ADAMTSL1: variants seen among roughly 807,000 people sequenced by gnomAD.
The protein encoded by ADAMTSL1 is ADAMTS like 1.
In ADAMTSL1, 126 loss-of-function variants were observed where a neutral mutation model predicts 201.8. That is an observed-to-expected ratio of 0.62 (90% confidence interval 0.54 to 0.72). The LOEUF is 0.72. ADAMTSL1 is among the 30% of genes least tolerant of loss of function. ADAMTSL1 has a pLI of 0.00. For synonymous variants in ADAMTSL1, 1,121 were observed against 903.4 expected (o/e 1.24, Z -4.32); for missense variants, 2,679 against 2,277.8 (o/e 1.18, Z -3.59).
At chr9:18,793,629 G>A (rs1822187495) in intron 19 of ADAMTSL1, among the ~76,000 whole-genome samples, 1 of 152,152 alleles carries the variant, frequency 6.6e-6, no homozygotes, top group Non-Finnish European at 1.5e-5. Flanking sequence ...TGAAGCTTTT[G>A]AAACTAGGGA....
chr9:18,029,801 C>G (rs981206693), intron 1 of ADAMTSL1, among the ~76,000 whole-genome samples: 3 of 152,196 alleles, frequency 2.0e-5, no homozygotes, highest in African/African-American at 7.2e-5. Context: ...AAAAAACGCT[C>G]TTCATCACTG....
At chr9:18,546,729 T>C (rs950190231) in intron 3 of ADAMTSL1, among the ~76,000 whole-genome samples, 3 of 152,174 alleles carry the variant, frequency 2.0e-5, no homozygotes, top group Admixed American at 1.3e-4. Context: ...TATAGAACAG[T>C]ATTTTGAAAA....
intron 2 of ADAMTSL1, among the ~76,000 whole-genome samples, chr9:18,310,090 G>T (rs1834061837): frequency 6.6e-6 from 1 of 151,976 alleles, no homozygotes; most frequent in South Asian, 2.1e-4. Flanking sequence ...ATGGGGAAAG[G>T]AGTCCCTATT....
intron 3 of ADAMTSL1, among the ~76,000 whole-genome samples, chr9:18,572,686 T>G (rs1822411775): frequency 6.6e-6 from 1 of 152,174 alleles, no homozygotes; most frequent in African/African-American, 2.4e-5. Context: ...TATATGCTCT[T>G]TAGTAGTATC....
chr9:18,189,160 C>T (rs1360123851), intron 2 of ADAMTSL1, among the ~76,000 whole-genome samples: 1 of 152,124 alleles, frequency 6.6e-6, no homozygotes, highest in Non-Finnish European at 1.5e-5. Context: ...TTCCACTCCA[C>T]AGTTGCCAGG....
intron 20 of ADAMTSL1, among the ~76,000 whole-genome samples, chr9:18,800,474 T>G (rs1038477975): frequency 6.8e-6 from 1 of 146,510 alleles, no homozygotes; most frequent in Non-Finnish European, 1.5e-5. Flanking sequence ...TAAGCTGCCA[T>G]CAAGGAGATT....
intron 1 of ADAMTSL1, among the ~76,000 whole-genome samples, chr9:18,068,661 C>T (rs1822818062): frequency 6.6e-6 from 1 of 152,058 alleles, no homozygotes; most frequent in Non-Finnish European, 1.5e-5. Flanking sequence ...CTATGTGTCC[C>T]CCTGGATGCT....
chr9:18,475,020 T>C (rs575690075), intron 1 of ADAMTSL1, among the ~76,000 whole-genome samples: 3 of 152,206 alleles, frequency 2.0e-5, no homozygotes, highest in Admixed American at 6.5e-5. Flanking sequence ...TTGTGACTCA[T>C]ACTTGGTTTT....
Position 18,505,521 on chromosome 9 carries a change from G to A in ADAMTSL1, c.191+565G>A, listed in dbSNP as rs186866267. On this transcript the variant is annotated intron_variant, in intron 2 of 28. Coordinates refer to ENST00000380548, the MANE Select transcript of ADAMTSL1 (RefSeq NM_001040272.6). Reference sequence around the variant, plus strand: ...GGTCAGGAATAGTGAAAGGGATGAAGAAGGTAGACATGGGGGTGGCTAATG... The same window carrying A: ...GGTCAGGAATAGTGAAAGGGATGAAAAAGGTAGACATGGGGGTGGCTAATG... 2.6e-5 allele frequency among the ~76,000 whole-genome samples: 4 copies of A among 152,324 alleles called. No homozygotes were observed. In the East Asian group the frequency reaches 7.7e-4, roughly 29 times the overall value.
At chr9:17,919,744 C>T (rs1317502175) in intron 1 of ADAMTSL1, among the ~76,000 whole-genome samples, 1 of 151,770 alleles carries the variant, frequency 6.6e-6, no homozygotes. Flanking sequence ...TGGATTTTTC[C>T]CACTTTTTAG....
intron 3 of ADAMTSL1, 47 bp from the exon 4 acceptor site, chr9:18,573,983 G>C (rs566217072): frequency 6.7e-7 from 1 of 1,500,768 alleles, no homozygotes. Context: ...TCATGTTTGG[G>C]GGTATCCTCC....
chr9:17,912,813 G>C (rs1825937516), intron 1 of ADAMTSL1, among the ~76,000 whole-genome samples: 1 of 136,482 alleles, frequency 7.3e-6, no homozygotes, highest in Non-Finnish European at 1.6e-5. Context: ...GGTTTTTATG[G>C]TTTTAGGTCT....
At chr9:18,770,545 C>A in intron 16 of ADAMTSL1, 57 bp from the exon 17 acceptor site, 2 of 1,502,664 alleles carry the variant, frequency 1.3e-6, no homozygotes, top group South Asian at 2.6e-5. Flanking sequence ...AATTAGCAGT[C>A]AGACTGCCTT....
intron 1 of ADAMTSL1, among the ~76,000 whole-genome samples, chr9:17,943,662 C>T (rs950266870): frequency 1.3e-5 from 2 of 152,044 alleles, no homozygotes; most frequent in African/African-American, 2.4e-5. Context: ...CCCTGGAGCC[C>T]TTCCTCATGA....
At chr9:18,085,540 CTGTGTATACATACACACTGTG>C (rs1823719224) in intron 1 of ADAMTSL1, among the ~76,000 whole-genome samples, 4 of 138,138 alleles carry the variant, frequency 2.9e-5, no homozygotes, top group African/African-American at 8.5e-5. Context: ...TATATATATA[CTGTGTATACATACACACTGTG>C]TGTATACATA....
chr9:17,940,509 C>G (rs1412734659), intron 1 of ADAMTSL1, among the ~76,000 whole-genome samples: 1 of 151,576 alleles, frequency 6.6e-6, no homozygotes, highest in East Asian at 1.9e-4. Context: ...GAAGAAAAAC[C>G]AATTTAGGGT....
At chr9:18,498,337 CCTTT>C (rs1336821888) in intron 1 of ADAMTSL1, among the ~76,000 whole-genome samples, 12 of 144,696 alleles carry the variant, frequency 8.3e-5, no homozygotes, top group African/African-American at 2.5e-4. Flanking sequence ...CCCCCCACCC[CCTTT>C]TTTTTTTTTT....
intron 2 of ADAMTSL1, among the ~76,000 whole-genome samples, chr9:18,451,592 A>T (rs750220763): frequency 6.6e-6 from 1 of 152,222 alleles, no homozygotes; most frequent in Non-Finnish European, 1.5e-5. Flanking sequence ...ATACTTGTTT[A>T]TCTGGCTACC....
At chr9:17,949,427 G>T (rs2131369666) in intron 1 of ADAMTSL1, among the ~76,000 whole-genome samples, 1 of 152,288 alleles carries the variant, frequency 6.6e-6, no homozygotes, top group East Asian at 1.9e-4. Flanking sequence ...TATTAAGCAG[G>T]GCTTTGGAAG....
Sources: allele counts gnomAD v4.1 joint callset (sites outside exome capture counted in the v4.1 genomes callset), GRCh38; gene constraint gnomAD v4.1.1; transcripts MANE v1.5; gene names NCBI Gene and HGNC (gene_info 2026-07-23, HGNC 2026-07-21).